Variants in CDH13 observed in about 807,000 individuals in gnomAD.
CDH13 encodes cadherin-13.
Under a neutral mutation model 63.8 loss-of-function variants are expected in CDH13, and 24 were observed. The observed-to-expected ratio is 0.38, with a 90% CI of 0.27 to 0.53. The LOEUF (loss-of-function observed/expected upper bound fraction) is 0.53. CDH13 is among the 20% of genes least tolerant of loss of function. CDH13 has a pLI of 0.85. For missense variants in CDH13, 1,049 were observed against 903.1 expected (o/e 1.16, Z -2.07); for synonymous variants, 503 against 355.3 (o/e 1.42, Z -4.67).
chr16:83,601,821 G>T (rs1406311603), intron 7 of CDH13, among the ~76,000 whole-genome samples: 1 of 151,992 alleles, frequency 6.6e-6, no homozygotes, highest in Admixed American at 6.6e-5. Flanking sequence ...GGGGCCGGGC[G>T]TGGTGGCTCA....
intron 1 of CDH13, chr16:82,829,784 C>G (rs1234734727): frequency 2.6e-5 from 4 of 152,072 alleles, no homozygotes; most frequent in Non-Finnish European, 4.4e-5. Flanking sequence ...CCCTGGCAAG[C>G]ACAAATAACC....
intron 7 of CDH13, among the ~76,000 whole-genome samples, chr16:83,496,778 A>G (rs1044154909): frequency 6.4e-4 from 98 of 152,356 alleles, no homozygotes; most frequent in Middle Eastern, 3.4e-3. Context: ...AAGGGCTAAT[A>G]TCCAGAATCT....
At chr16:82,711,665 G>C (rs1308313695) in intron 1 of CDH13, among the ~76,000 whole-genome samples, 1 of 152,176 alleles carries the variant, frequency 6.6e-6, no homozygotes, top group Non-Finnish European at 1.5e-5. Flanking sequence ...GGGAAAGTCA[G>C]GACTGGGATC....
At chr16:82,672,866 G>A (rs1423517362) in intron 1 of CDH13, among the ~76,000 whole-genome samples, 1 of 151,590 alleles carries the variant, frequency 6.6e-6, no homozygotes, top group Non-Finnish European at 1.5e-5. Flanking sequence ...CCAGGCTGGA[G>A]TGCAGTGACA....
In CDH13 at chr16:83,169,394, C is replaced by G. The variant is rs184046462; in HGVS notation, c.483+43893C>G. 4.9e-4 allele frequency among the ~76,000 whole-genome samples: 74 copies of G among 152,162 alleles called. 1 individual carries two copies. The highest frequency in any genetic ancestry group is 1.7e-3 in the African/African-American group (69 of 41,546). On this transcript the variant is annotated intron_variant, in intron 4 of 13. Transcript: ENST00000567109. ...ATTTCACCATATTGGCCAGGATTGT[C>G]TTGATGTCTTGACCTCATAATCTGC... is the stretch of plus-strand genomic sequence containing the variant.
chr16:83,415,196 C>A (rs1171765565), intron 6 of CDH13, among the ~76,000 whole-genome samples: 1 of 151,646 alleles, frequency 6.6e-6, no homozygotes, highest in Non-Finnish European at 1.5e-5. Flanking sequence ...TGAGTAAATT[C>A]CTAAAAACAT....
chr16:82,837,891 A>T (rs1198111763), intron 1 of CDH13, among the ~76,000 whole-genome samples: 1 of 152,232 alleles, frequency 6.6e-6, no homozygotes, highest in Admixed American at 6.5e-5. Flanking sequence ...CTCCAAACCC[A>T]AGTTCCCAGA....
At chr16:82,897,060 A>C (rs113448486) in intron 2 of CDH13, among the ~76,000 whole-genome samples, 1 of 152,104 alleles carries the variant, frequency 6.6e-6, no homozygotes, top group African/African-American at 2.4e-5. Context: ...GATTACAGGC[A>C]TGAGCCACCG....
chr16:83,205,990 C>T (rs1473876307), intron 4 of CDH13, among the ~76,000 whole-genome samples: 1 of 152,114 alleles, frequency 6.6e-6, no homozygotes, highest in Non-Finnish European at 1.5e-5. Context: ...ATATTATTAA[C>T]AGGCATAGAC....
At chr16:83,102,990 T>TTGGAGTGCAGTGG (rs2034573586) in intron 3 of CDH13, among the ~76,000 whole-genome samples, 1 of 138,826 alleles carries the variant, frequency 7.2e-6, no homozygotes, top group African/African-American at 2.7e-5. Context: ...TCCTGCTCTG[T>TTGGAGTGCAGTGG]CACCCAGGTT....
At chr16:83,184,089 A>AAC (rs10656475) in intron 4 of CDH13, among the ~76,000 whole-genome samples, 20,943 of 131,346 alleles carry the variant, frequency 0.16, 1,716 homozygotes, top group Middle Eastern at 0.2. Flanking sequence ...CTAGAGGTTA[A>AAC]ACACACACAC....
intron 5 of CDH13, among the ~76,000 whole-genome samples, chr16:83,242,937 C>G (rs140676447): frequency 7.4e-4 from 112 of 152,316 alleles, no homozygotes; most frequent in Non-Finnish European, 1.4e-3. Context: ...TACCATGTGT[C>G]AAAAACTATT....
At chr16:82,648,307 T>C (rs1163383595) in intron 1 of CDH13, among the ~76,000 whole-genome samples, 1 of 152,204 alleles carries the variant, frequency 6.6e-6, no homozygotes, top group East Asian at 1.9e-4. Flanking sequence ...TTAAATGATA[T>C]ATGAATATTG....
At chr16:83,327,810 CAGCAAATGCAA>C (rs2090397419) in intron 5 of CDH13, among the ~76,000 whole-genome samples, 2 of 152,172 alleles carry the variant, frequency 1.3e-5, no homozygotes, top group Admixed American at 1.3e-4. Flanking sequence ...GGTGAGGAAC[CAGCAAATGCAA>C]AGACCCCAAA....
intron 1 of CDH13, among the ~76,000 whole-genome samples, chr16:82,782,943 C>A (rs1232299946): frequency 6.6e-6 from 1 of 152,174 alleles, no homozygotes; most frequent in Non-Finnish European, 1.5e-5. Flanking sequence ...AACTCTACTT[C>A]CCAAACAAGA....
intron 9 of CDH13, among the ~76,000 whole-genome samples, chr16:83,675,715 C>T (rs1324135867): frequency 6.6e-6 from 1 of 152,162 alleles, no homozygotes; most frequent in Non-Finnish European, 1.5e-5. Flanking sequence ...TGCTGGTGGT[C>T]CCAGAGTTAT....
intron 2 of CDH13, among the ~76,000 whole-genome samples, chr16:82,891,477 C>T (rs564433547): frequency 6.6e-6 from 1 of 152,184 alleles, no homozygotes; most frequent in Non-Finnish European, 1.5e-5. Context: ...GTTGAAAATA[C>T]TGAATTTCAC....
At position 83,678,377 on chromosome 16, in the gene CDH13, C is replaced by A; in HGVS notation, c.1454C>A (p.Thr485Asn). 6.2e-7 allele frequency: 1 copy of A among 1,613,960 alleles called. No homozygotes were observed. The highest frequency in any genetic ancestry group is 8.5e-7 in the Non-Finnish European group (1 of 1,179,894). ...TTCTACCCAGACCCCATGATGGTGA[C>A]CAGGCAGGAGGACCTCTCTGTGGGC... Reference protein sequence around the residue: ...PVFYPDPMMVTRQEDLSVGSV... With the variant: ...PVFYPDPMMVNRQEDLSVGSV... Residue 485 changes from threonine (T) to asparagine (N), a missense_variant, in exon 10 of 14, where the codon ACC (threonine) becomes AAC (asparagine). By Grantham distance (65) the Thr-to-Asn change is moderately conservative. Transcript: ENST00000567109.
At chr16:83,425,974 G>T (rs2071882616) in intron 6 of CDH13, among the ~76,000 whole-genome samples, 2 of 152,140 alleles carry the variant, frequency 1.3e-5, no homozygotes. Flanking sequence ...ATTAAAATGA[G>T]ATATATAGTA....
Sources: gnomAD v4.1 joint callset for allele counts (sites outside exome capture counted in the v4.1 genomes callset) on GRCh38, gnomAD v4.1.1 for gene constraint, MANE v1.5 for transcripts, NCBI Gene and HGNC (gene_info 2026-07-23, HGNC 2026-07-21) for gene names.